TFEC: variants seen among roughly 807,000 people sequenced by gnomAD.
The protein encoded by TFEC is class E basic helix-loop-helix protein 34.
Under a neutral mutation model 41.6 loss-of-function variants are expected in TFEC, and 31 were observed. The observed-to-expected ratio is 0.74, with a 90% CI of 0.56 to 1.01. TFEC has a LOEUF of 1.01. TFEC is among the 50% of genes least tolerant of loss of function. The pLI is 0.00. For synonymous variants in TFEC, 143 were observed against 140.6 expected (o/e 1.02, Z -0.12); for missense variants, 402 against 404.1 (o/e 0.99, Z 0.04).
intron 1 of TFEC, among the ~76,000 whole-genome samples, chr7:116,128,722 A>T (rs1380734230): frequency 6.6e-6 from 1 of 152,098 alleles, no homozygotes; most frequent in Non-Finnish European, 1.5e-5. Context: ...CTGACTGAGG[A>T]AAAAACAAAC....
intron 1 of TFEC, among the ~76,000 whole-genome samples, chr7:115,999,540 G>A (rs562095414): frequency 1.3e-5 from 2 of 151,920 alleles, no homozygotes; most frequent in African/African-American, 4.8e-5. Flanking sequence ...ATGAAAAGTT[G>A]CTTTCTTGAA....
chr7:115,965,871 T>C (rs1301184238), intron 3 of TFEC, among the ~76,000 whole-genome samples: 1 of 151,630 alleles, frequency 6.6e-6, no homozygotes, highest in Non-Finnish European at 1.5e-5. Context: ...TCTTCCCTCT[T>C]CATATTTTAT....
intron 1 of TFEC, among the ~76,000 whole-genome samples, chr7:116,007,868 T>C (rs1255546479): frequency 6.6e-6 from 1 of 152,250 alleles, no homozygotes; most frequent in Non-Finnish European, 1.5e-5. Context: ...TTAGCTTCTT[T>C]TAAAATATTA....
chr7:115,966,424 A>T (rs773661909), intron 3 of TFEC, among the ~76,000 whole-genome samples: 1 of 151,778 alleles, frequency 6.6e-6, no homozygotes, highest in Non-Finnish European at 1.5e-5. Flanking sequence ...TGTCATAGAC[A>T]GCTGAGTATT....
At chr7:116,152,499 G>A (rs1584578073) in intron 1 of TFEC, among the ~76,000 whole-genome samples, 1 of 152,318 alleles carries the variant, frequency 6.6e-6, no homozygotes, top group Admixed American at 6.5e-5. Context: ...ACTGATCAGG[G>A]CATGTGTGTA....
At chr7:116,114,319 T>C (rs1367439112) in intron 1 of TFEC, among the ~76,000 whole-genome samples, 1 of 151,936 alleles carries the variant, frequency 6.6e-6, no homozygotes, top group African/African-American at 2.4e-5. Flanking sequence ...AGGAAATAGA[T>C]TTGGGGATTT....
intron 5 of TFEC, 141 bp downstream of exon 5, chr7:115,954,445 C>A: frequency 1.9e-6 from 1 of 533,558 alleles, no homozygotes; most frequent in Non-Finnish European, 3.1e-6. Flanking sequence ...TTAATATTTC[C>A]CAAAATAAAT....
At position 115,938,336 on chromosome 7, in the gene TFEC, A is replaced by G. The variant is rs1793329672; in HGVS notation, c.*2215T>C. The G allele has an allele frequency of 6.6e-6, 1 of 152,018 alleles. No individual in the cohort carries two copies. Among genetic ancestry groups the G allele is most frequent in the Non-Finnish European group, 1.5e-5 (1 of 67,926 alleles). The allele number at this position is 152,018 out of a possible 1,614,324, so 9.4% of individuals were successfully genotyped here. On this transcript the variant is annotated 3_prime_UTR_variant, in exon 8 of 8. Coordinates refer to ENST00000265440, the MANE Select transcript of TFEC (RefSeq NM_012252.4). ...GAACTCCAAAATATATTCCTTATCT[A>G]TAATTTTTAACATTTAATCAAATTA...
intron 1 of TFEC, among the ~76,000 whole-genome samples, chr7:116,019,288 G>C (rs1795307809): frequency 6.6e-6 from 1 of 152,126 alleles, no homozygotes; most frequent in Admixed American, 6.5e-5. Flanking sequence ...ATTCTCTAAA[G>C]GAATGACTCA....
intron 3 of TFEC, among the ~76,000 whole-genome samples, chr7:115,967,391 C>T (rs745786208): frequency 1.3e-5 from 2 of 151,576 alleles, no homozygotes; most frequent in Non-Finnish European, 3.0e-5. Context: ...GGAAAATAAA[C>T]TTCATGTATA....
At position 116,096,581 on chromosome 7, in the gene TFEC, TA is replaced by T. The variant is rs529087038; in HGVS notation, c.198+14126del. On this transcript the variant is annotated intron_variant, in intron 3 of 8. Coordinates refer to the TFEC transcript ENST00000484212. ...TGACATATGATACTGAGAGTCCTCT[TA>T]CTATGCGTTTTTTTTTTCCACTTGT... 2.8e-3 allele frequency among the ~76,000 whole-genome samples: 415 copies of T among 148,892 alleles called. 1 individual carries two copies. The highest frequency in any genetic ancestry group is 6.9e-3 in the Middle Eastern group (2 of 288).
At chr7:116,059,850 G>C (rs1443877655) in intron 3 of TFEC, among the ~76,000 whole-genome samples, 1 of 151,878 alleles carries the variant, frequency 6.6e-6, no homozygotes, top group African/African-American at 2.4e-5. Context: ...CCAATAAAGG[G>C]CATCTATGAA....
chr7:116,010,946 T>C (rs887070781), intron 1 of TFEC, among the ~76,000 whole-genome samples: 5 of 152,152 alleles, frequency 3.3e-5, no homozygotes, highest in African/African-American at 1.2e-4. Flanking sequence ...ATAACTTTCA[T>C]ATTAGCAGTT....
At chr7:115,951,015 A>G in intron 5 of TFEC, 66 bp from the exon 6 acceptor site, 1 of 932,130 alleles carries the variant, frequency 1.1e-6, no homozygotes, top group South Asian at 2.2e-5. Flanking sequence ...TCAGCTGTAA[A>G]CATTTTTAAC....
intron 3 of TFEC, among the ~76,000 whole-genome samples, chr7:116,057,437 A>C (rs1017684014): frequency 2.2e-4 from 33 of 151,978 alleles, no homozygotes; most frequent in African/African-American, 7.0e-4. Context: ...ATATTCAACA[A>C]AGACATATTT....
intron 3 of TFEC, among the ~76,000 whole-genome samples, chr7:116,073,533 T>C (rs922822304): frequency 1.3e-5 from 2 of 151,798 alleles, no homozygotes; most frequent in Non-Finnish European, 2.9e-5. Context: ...AGCACGTGTA[T>C]ACTCTGTTGA....
chr7:116,024,468 T>C (rs1377082567), intron 1 of TFEC, among the ~76,000 whole-genome samples: 1 of 152,174 alleles, frequency 6.6e-6, no homozygotes, highest in East Asian at 1.9e-4. Flanking sequence ...GAAATTTACC[T>C]ATCCTTCACA....
chr7:116,099,353 C>T (rs1797550546), intron 3 of TFEC, among the ~76,000 whole-genome samples: 2 of 152,212 alleles, frequency 1.3e-5, no homozygotes, highest in South Asian at 2.1e-4. Context: ...ACTGGTAATC[C>T]TGAATAGCAA....
intron 1 of TFEC, among the ~76,000 whole-genome samples, chr7:116,017,349 G>C (rs879439729): frequency 1.3e-5 from 2 of 152,144 alleles, no homozygotes; most frequent in Non-Finnish European, 2.9e-5. Context: ...AGCCTCCTGA[G>C]TAGCTGGGAC....
Sources: gnomAD v4.1 joint callset for allele counts (sites outside exome capture counted in the v4.1 genomes callset) on GRCh38, gnomAD v4.1.1 for gene constraint, MANE v1.5 for transcripts, NCBI Gene and HGNC (gene_info 2026-07-23, HGNC 2026-07-21) for gene names.